PGM5: variants seen among roughly 807,000 people sequenced by gnomAD.
PGM5 encodes phosphoglucomutase-like protein 5.
Under a neutral mutation model 59.2 loss-of-function variants are expected in PGM5, and 23 were observed. The ratio of observed to expected loss-of-function variants is 0.39; its 90% CI spans 0.28 to 0.55. The LOEUF is 0.55. PGM5 is among the 20% of genes least tolerant of loss of function. PGM5 has a pLI of 0.66. For missense variants in PGM5, 574 were observed against 748.3 expected, an observed-to-expected ratio of 0.77 and a Z score of 2.72; for synonymous variants, 214 against 286.0, an observed-to-expected ratio of 0.75 and a Z score of 2.54.
chr9:68,379,810 T>C (rs1456295990), intron 2 of PGM5, among the ~76,000 whole-genome samples: 2 of 152,036 alleles, frequency 1.3e-5, no homozygotes, highest in Non-Finnish European at 2.9e-5. Flanking sequence ...CCTATACTTA[T>C]ATCAGATAAA....
chr9:68,510,448 G>C (rs1255134857), intron 10 of PGM5, among the ~76,000 whole-genome samples: 7 of 152,188 alleles, frequency 4.6e-5, no homozygotes, highest in Non-Finnish European at 8.8e-5. Flanking sequence ...ACCGTGCCTG[G>C]CCGAAATCAG....
intron 10 of PGM5, among the ~76,000 whole-genome samples, chr9:68,521,462 AAAG>A (rs1173792289): frequency 3.9e-5 from 6 of 152,238 alleles, no homozygotes; most frequent in Non-Finnish European, 1.5e-5. Flanking sequence ...CTGGAGAGGC[AAAG>A]GTCCTTTTGT....
intron 9 of PGM5, among the ~76,000 whole-genome samples, chr9:68,489,644 C>T (rs1168224141): frequency 6.6e-6 from 1 of 151,556 alleles, no homozygotes; most frequent in Admixed American, 6.6e-5. Context: ...TTTTTATACC[C>T]TTAGTAGAGA....
chr9:68,419,349 G>T (rs1564000556), intron 6 of PGM5, among the ~76,000 whole-genome samples: 1 of 152,076 alleles, frequency 6.6e-6, no homozygotes, highest in Non-Finnish European at 1.5e-5. Context: ...GGGCAAAACA[G>T]CAAAACACAA....
At chr9:68,434,510 T>TA (rs1554683249) in intron 6 of PGM5, among the ~76,000 whole-genome samples, 7 of 152,066 alleles carry the variant, frequency 4.6e-5, no homozygotes. Context: ...AACCTGGTGT[T>TA]AAAATTGTGA....
chr9:68,414,687 G>A (rs1274104192), intron 6 of PGM5, among the ~76,000 whole-genome samples: 7 of 151,894 alleles, frequency 4.6e-5, no homozygotes, highest in Non-Finnish European at 1.0e-4. Flanking sequence ...AAGTAAACCA[G>A]TTACAGAAAT....
intron 8 of PGM5, among the ~76,000 whole-genome samples, chr9:68,480,705 AAAAACAAAAC>A (rs558109603): frequency 1.3e-5 from 2 of 152,006 alleles, no homozygotes; most frequent in African/African-American, 4.8e-5. Flanking sequence ...TCTCAAAAAA[AAAAACAAAAC>A]AAAACAAAAC....
chr9:68,434,981 AAAG>A (rs1823422703), intron 6 of PGM5, among the ~76,000 whole-genome samples: 1 of 152,186 alleles, frequency 6.6e-6, no homozygotes, highest in South Asian at 2.1e-4. Context: ...AGTGGGAGAG[AAAG>A]TGATGGCCAT....
At chr9:68,507,314 G>A (rs537318217) in intron 10 of PGM5, among the ~76,000 whole-genome samples, 15 of 152,224 alleles carry the variant, frequency 9.9e-5, no homozygotes, top group Non-Finnish European at 1.8e-4. Context: ...AATGTGAGGC[G>A]GGAAAGATGA....
chr9:68,528,530 C>T (rs573906499), intron 10 of PGM5, among the ~76,000 whole-genome samples: 2 of 152,314 alleles, frequency 1.3e-5, no homozygotes, highest in African/African-American at 4.8e-5. Context: ...AGCCACCACG[C>T]GTGGCCAATA....
At chr9:68,520,954 A>C (rs1199098452) in intron 10 of PGM5, among the ~76,000 whole-genome samples, 1 of 152,220 alleles carries the variant, frequency 6.6e-6, no homozygotes, top group Non-Finnish European at 1.5e-5. Context: ...TAATTTTCAA[A>C]TAGTGTGCCT....
intron 10 of PGM5, among the ~76,000 whole-genome samples, chr9:68,500,266 C>G (rs1245693410): frequency 4.6e-5 from 7 of 152,058 alleles, no homozygotes; most frequent in African/African-American, 1.7e-4. Context: ...GCAGGCTTTT[C>G]TTTCTTTGTC....
rs186325967 is a variant in PGM5, at chr9:68,465,560, C to A, written c.1159+352C>A. ...CTCTACCCTCATCCGCAGGGGAACA[C>A]TCCTCCCTGATTATTGTGAAGCAAT... is the stretch of plus-strand genomic sequence containing the variant. On this transcript the variant is annotated intron_variant, in intron 7 of 10. Transcript: ENST00000396396. Among the ~76,000 whole-genome samples, 5 of 152,252 alleles carry A rather than the reference C, an allele frequency of 3.3e-5. No individual in the cohort carries two copies. In the East Asian group the frequency reaches 9.7e-4, roughly 29 times the overall value.
At chr9:68,368,624 T>G (rs1401375187) in intron 1 of PGM5, among the ~76,000 whole-genome samples, 2 of 152,162 alleles carry the variant, frequency 1.3e-5, no homozygotes, top group Non-Finnish European at 2.9e-5. Context: ...CTACATCCAG[T>G]TTTTAGTTTT....
chr9:68,360,752 A>G (rs1376547005), intron 1 of PGM5, among the ~76,000 whole-genome samples: 3 of 152,180 alleles, frequency 2.0e-5, no homozygotes, highest in Admixed American at 2.0e-4. Flanking sequence ...GTTTGAAAGT[A>G]TATTAAAGAA....
At chr9:68,452,775 C>A (rs565685038) in intron 6 of PGM5, among the ~76,000 whole-genome samples, 1 of 152,322 alleles carries the variant, frequency 6.6e-6, no homozygotes, top group East Asian at 1.9e-4. Context: ...GCAGGGCTGC[C>A]CTTCCCTGCT....
chr9:68,430,391 A>C (rs781831212), intron 6 of PGM5, among the ~76,000 whole-genome samples: 4 of 152,264 alleles, frequency 2.6e-5, no homozygotes, highest in African/African-American at 7.2e-5. Flanking sequence ...CGCTTTCCAC[A>C]ATGTTTATTC....
chr9:68,449,162 G>A (rs1291283949), intron 6 of PGM5, among the ~76,000 whole-genome samples: 2 of 152,174 alleles, frequency 1.3e-5, no homozygotes, highest in African/African-American at 4.8e-5. Context: ...CCATTTATGA[G>A]GGCTTCACCT....
intron 1 of PGM5, among the ~76,000 whole-genome samples, chr9:68,369,570 C>A (rs1834745913): frequency 6.6e-6 from 1 of 152,196 alleles, no homozygotes; most frequent in African/African-American, 2.4e-5. Context: ...TTCACCACCT[C>A]CATTTTGCAT....
Sources: allele counts gnomAD v4.1 joint callset (sites outside exome capture counted in the v4.1 genomes callset), GRCh38; gene constraint gnomAD v4.1.1; transcripts MANE v1.5; gene names NCBI Gene and HGNC (gene_info 2026-07-23, HGNC 2026-07-21).